G6PD: variants seen among roughly 807,000 people sequenced by gnomAD.
G6PD encodes glucose-6-phosphate 1-dehydrogenase.
G6PD carries 2 observed loss-of-function variants against 38.2 expected under a neutral mutation model. The observed-to-expected ratio is 0.05, with a 90% CI of 0.02 to 0.16. The LOEUF is 0.16. Ranked by LOEUF, G6PD falls within the 10% of genes least tolerant of loss-of-function variation. The probability of loss-of-function intolerance (pLI) is 1.00; values close to 1 mark genes in which losing one functional copy is unlikely to be tolerated. For synonymous variants in G6PD, 188 were observed against 196.0 expected, an observed-to-expected ratio of 0.96 and a Z score of 0.34; for missense variants, 310 against 471.6, an observed-to-expected ratio of 0.66 and a Z score of 3.17.
At chrX:154,534,928 G>A (rs2070388920) in intron 5 of G6PD, 7 of 436,673 alleles carry the variant, frequency 1.6e-5, no homozygotes, top group East Asian at 3.8e-5. Context: ...CACCCAGCGC[G>A]GGCCATGCTG....
intron 5 of G6PD, 104 bp from the exon 6 acceptor site, chrX:154,534,600 A>C (rs1557230443): frequency 4.0e-6 from 4 of 1,002,195 alleles, no homozygotes; most frequent in Non-Finnish European, 2.7e-6. Flanking sequence ...AGAGGCCAGA[A>C]CCTCCTCGCC....
rs782395004 is a variant in G6PD at position 154,546,780 on chromosome X, G to T, written c.-9+9C>A. Reference sequence around the variant, plus strand: ...CCTCCGCCTGCGCGGCGCCCGCCCGGCCGGTTACCTGCGCTTCGTCGTCGT... The same window carrying T: ...CCTCCGCCTGCGCGGCGCCCGCCCGTCCGGTTACCTGCGCTTCGTCGTCGT... On this transcript the variant is annotated intron_variant, in intron 1 of 12. Coordinates refer to ENST00000393562, the MANE Select transcript of G6PD (RefSeq NM_001360016.2). 60 of 1,154,578 alleles carry T rather than the reference G, an allele frequency of 5.2e-5. No homozygotes were observed. Among genetic ancestry groups the T allele is most frequent in the Non-Finnish European group, 6.0e-5 (52 of 868,129 alleles).
At chrX:154,537,319 CA>C (rs1179821273) in intron 2 of G6PD, among the ~76,000 whole-genome samples, 1 of 108,776 alleles carries the variant, frequency 9.2e-6, no homozygotes, top group African/African-American at 3.4e-5. Flanking sequence ...AAACAAAAAA[CA>C]AAAAAACAAC....
chrX:154,541,046 G>A (rs1557231756), intron 2 of G6PD, among the ~76,000 whole-genome samples: 3 of 111,696 alleles, frequency 2.7e-5, no homozygotes, highest in African/African-American at 9.8e-5. Flanking sequence ...ATCAACTCAC[G>A]GCTGGCCCCA....
chrX:154,540,828 T>C (rs1272705624), intron 2 of G6PD, among the ~76,000 whole-genome samples: 1 of 111,205 alleles, frequency 9.0e-6, no homozygotes, highest in East Asian at 2.8e-4. Flanking sequence ...GGGTGCCTTG[T>C]GTGCTTGCGC....
Position 154,534,326 on chromosome X carries a change from G to C in G6PD, c.644+12C>G. 1 of 1,210,926 alleles carries C rather than the reference G, an allele frequency of 8.3e-7. No homozygotes were observed. The highest frequency in any genetic ancestry group is 1.1e-6 in the Non-Finnish European group (1 of 894,933). ...CCCCCACCCTGGTCCCCCGGCCCAG[G>C]CTTGGCCCCACCTCAGCACCATGAG... On this transcript the variant is annotated intron_variant, in intron 6 of 12. Coordinates refer to ENST00000393562, the MANE Select transcript of G6PD (RefSeq NM_001360016.2).
chrX:154,531,901 T>A lies in G6PD; in HGVS notation c.*99A>T. ...GGTGGCCAGAGCCCGGGGCCAGGAATGTGCAGCTGAGGTCAATGGTCCCGG... is the reference window on the plus strand; with the variant it reads ...GGTGGCCAGAGCCCGGGGCCAGGAAAGTGCAGCTGAGGTCAATGGTCCCGG... On this transcript the variant is annotated 3_prime_UTR_variant, in exon 13 of 13. Transcript: ENST00000393562. 2 of 1,129,428 alleles carry A rather than the reference T, an allele frequency of 1.8e-6. No individual in the cohort carries two copies. The highest frequency in any genetic ancestry group is 2.4e-6 in the Non-Finnish European group (2 of 848,239). 93.1% of individuals were successfully genotyped at this position (1,129,428 alleles called of 1,213,427 possible).
intron 2 of G6PD, chrX:154,542,191 G>A: frequency 1.5e-6 from 1 of 650,456 alleles, no homozygotes; most frequent in South Asian, 2.6e-5. Flanking sequence ...TGAGGAAAGG[G>A]GAGGCGGGGG....
At chrX:154,533,348 A>G (rs2070364816) in intron 8 of G6PD, 3 of 496,737 alleles carry the variant, frequency 6.0e-6, no homozygotes, top group African/African-American at 4.8e-5. Flanking sequence ...AGGCCCAGAG[A>G]GGCAATGGCC....
intron 2 of G6PD, among the ~76,000 whole-genome samples, chrX:154,540,651 A>AC (rs1262131532): frequency 1.2e-4 from 13 of 107,905 alleles, no homozygotes; most frequent in Non-Finnish European, 2.5e-4. Context: ...AAAAAAAAAA[A>AC]AAAAACACAT....
rs1295695802 is a variant in G6PD, at chrX:154,534,926, G to A, written c.485+242C>T. The A allele has an allele frequency of 2.5e-5, 11 of 435,455 alleles. No individual in the cohort carries two copies. The East Asian group carries it at 3.0e-4, about 12-fold the overall frequency. The allele number at this position is 435,455 out of a possible 1,213,427, so 35.9% of individuals were successfully genotyped here. On this transcript the variant is annotated intron_variant, in intron 5 of 12. Transcript: ENST00000393562. ...TGGCTGGGTTGGGAAACCACCCAGC[G>A]CGGGCCATGCTGCATTCGCAGAGCA...
chrX:154,544,987 T>A (rs2070653094), intron 2 of G6PD, among the ~76,000 whole-genome samples: 1 of 112,130 alleles, frequency 8.9e-6, no homozygotes, highest in African/African-American at 3.2e-5. Context: ...CATACAGTAA[T>A]GAGCAGAGAG....
At chrX:154,533,935 G>C in intron 7 of G6PD, 100 bp downstream of exon 7, 1 of 1,204,422 alleles carries the variant, frequency 8.3e-7, no homozygotes, top group South Asian at 1.8e-5. Context: ...TGAACTGCAG[G>C]GTGAGGAGGA....
intron 2 of G6PD, among the ~76,000 whole-genome samples, chrX:154,536,642 C>A (rs1557230875): frequency 9.0e-6 from 1 of 111,176 alleles, no homozygotes; most frequent in East Asian, 2.8e-4. Flanking sequence ...CAAGACCAGC[C>A]AATGTGGCAA....
chrX:154,546,900 G>A, upstream of G6PD: 1 of 871,231 alleles, frequency 1.1e-6, no homozygotes, highest in Non-Finnish European at 1.5e-6. Context: ...GCGGGCGCCT[G>A]GGCTGAGCGG....
Position 154,532,015 on chromosome X carries a change from G to A in G6PD, c.1533C>T (p.Asn511=). ...TGCCCAGGGCTCAGAGCTTGTGGGG[G>A]TTCACCCACTTGTAGGTGCCCTCAT... is the stretch of plus-strand genomic sequence containing the variant. ...FQYEGTYKWV[N]PHKL is the part of the protein sequence containing the mutation. Residue 511 remains asparagine (N), a synonymous_variant, in exon 13 of 13, where the codon AAC becomes AAT. Coordinates refer to ENST00000393562, the MANE Select transcript of G6PD (RefSeq NM_001360016.2). 8.3e-7 allele frequency: 1 copy of A among 1,210,119 alleles called. No individual in the cohort carries two copies. The highest frequency in any genetic ancestry group is 1.1e-6 in the Non-Finnish European group (1 of 895,088).
At chrX:154,540,032 T>C (rs970275663) in intron 2 of G6PD, among the ~76,000 whole-genome samples, 2 of 109,546 alleles carry the variant, frequency 1.8e-5, no homozygotes, top group African/African-American at 3.3e-5. Flanking sequence ...ATGACATATA[T>C]TTCAATAAAA....
chrX:154,545,909 T>G (rs2070696324), intron 2 of G6PD, 127 bp downstream of exon 2: 6 of 797,460 alleles, frequency 7.5e-6, no homozygotes, highest in South Asian at 4.2e-5. Flanking sequence ...CCTGGCGCAC[T>G]AGCAGGAGCG....
intron 2 of G6PD, among the ~76,000 whole-genome samples, chrX:154,538,055 C>A (rs782551782): frequency 9.4e-6 from 1 of 106,423 alleles, no homozygotes; most frequent in East Asian, 2.9e-4. Flanking sequence ...AGTGCAGTGG[C>A]ACGATCTCAG....
Sources: allele counts gnomAD v4.1 joint callset (sites outside exome capture counted in the v4.1 genomes callset), GRCh38; gene constraint gnomAD v4.1.1; transcripts MANE v1.5; gene names NCBI Gene and HGNC (gene_info 2026-07-23, HGNC 2026-07-21).